Variants in SAMTOR observed in about 807,000 individuals in gnomAD.
SAMTOR encodes the protein UPF0532 protein C7orf60.
At chr7:112,939,683 G>T in the SAMTOR span, 15 of 1,612,846 alleles carry the variant, frequency 9.3e-6, no homozygotes, top group Non-Finnish European at 1.3e-5. Context: ...CTCCCGGGGC[G>T]GCGGAGTGTT....
chr7:112,906,571 A>T, the SAMTOR span, among the ~76,000 whole-genome samples: 7,563 of 71,436 alleles, frequency 0.11, 492 homozygotes, highest in African/African-American at 0.24. Context: ...GGAAAGACAT[A>T]TCTTTTTTTT....
chr7:112,823,276 C>T, the SAMTOR span, among the ~76,000 whole-genome samples: 2 of 152,022 alleles, frequency 1.3e-5, no homozygotes, highest in Non-Finnish European at 2.9e-5. Context: ...GTATAAGTGA[C>T]AAAAAGCATA....
chr7:112,863,178 A>G, the SAMTOR span, among the ~76,000 whole-genome samples: 1 of 152,206 alleles, frequency 6.6e-6, no homozygotes, highest in African/African-American at 2.4e-5. Flanking sequence ...GAAACAAGCA[A>G]TGGAGAAAGA....
the SAMTOR span, among the ~76,000 whole-genome samples, chr7:112,890,669 A>T: frequency 9.8e-4 from 148 of 151,044 alleles, 2 homozygotes; most frequent in South Asian, 0.016. Context: ...AAAAAAGTAT[A>T]CATATATACA....
chr7:112,939,312 C>T, the SAMTOR span: 1 of 512,882 alleles, frequency 1.9e-6, no homozygotes, highest in Non-Finnish European at 3.5e-6. Flanking sequence ...ACAACAACCT[C>T]AGCACCCCGG....
At chr7:112,894,380 C>T in the SAMTOR span, among the ~76,000 whole-genome samples, 1 of 151,982 alleles carries the variant, frequency 6.6e-6, no homozygotes, top group Admixed American at 6.5e-5. Flanking sequence ...CACAGATCAC[C>T]AAAACAGACA....
the SAMTOR span, among the ~76,000 whole-genome samples, chr7:112,855,908 T>TA: frequency 8.0e-4 from 117 of 145,486 alleles, no homozygotes; most frequent in East Asian, 2.2e-3. Flanking sequence ...TGGGGGAGAT[T>TA]AAAAAAAAAA....
chr7:112,897,168 G>A, the SAMTOR span, among the ~76,000 whole-genome samples: 1 of 152,168 alleles, frequency 6.6e-6, no homozygotes, highest in Admixed American at 6.5e-5. Flanking sequence ...GGGATAGGGT[G>A]TGGGGACGAG....
the SAMTOR span, chr7:112,939,324 T>TG: frequency 1.9e-6 from 1 of 528,292 alleles, no homozygotes; most frequent in South Asian, 2.3e-5. Context: ...GCACCCCGGC[T>TG]GGGGACAGGG....
the SAMTOR span, among the ~76,000 whole-genome samples, chr7:112,881,636 C>A: frequency 6.6e-6 from 1 of 152,200 alleles, no homozygotes; most frequent in Non-Finnish European, 1.5e-5. Flanking sequence ...GAGGGTTACA[C>A]TCAGGACTGC....
chr7:112,928,271 A>T, the SAMTOR span, among the ~76,000 whole-genome samples: 1 of 152,034 alleles, frequency 6.6e-6, no homozygotes, highest in Non-Finnish European at 1.5e-5. Flanking sequence ...TAGAGTTGAT[A>T]TTATTCTTTC....
chr7:112,920,899 G>A, the SAMTOR span, among the ~76,000 whole-genome samples: 2,080 of 152,144 alleles, frequency 0.014, 24 homozygotes, highest in Non-Finnish European at 0.022. Flanking sequence ...GGGACATGAA[G>A]GACCTCTTCA....
At chr7:112,867,717 G>GA in the SAMTOR span, among the ~76,000 whole-genome samples, 9 of 152,326 alleles carry the variant, frequency 5.9e-5, no homozygotes, top group Admixed American at 5.9e-4. Context: ...AAACTCTGCA[G>GA]AAAAGAACTA....
chr7:112,923,979 T>A, the SAMTOR span, among the ~76,000 whole-genome samples: 3 of 144,570 alleles, frequency 2.1e-5, no homozygotes, highest in African/African-American at 7.8e-5. Context: ...CACTCATAGG[T>A]GGGAATTGAA....
At chr7:112,847,329 A>G in the SAMTOR span, among the ~76,000 whole-genome samples, 6 of 152,214 alleles carry the variant, frequency 3.9e-5, no homozygotes, top group African/African-American at 1.4e-4. Flanking sequence ...TAATTGAACT[A>G]TTCTTTCTTA....
the SAMTOR span, among the ~76,000 whole-genome samples, chr7:112,882,702 G>GAACC: frequency 1.4e-5 from 2 of 139,666 alleles, no homozygotes; most frequent in African/African-American, 5.3e-5. Flanking sequence ...AACAACCAAC[G>GAACC]AACCAACCAA....
the SAMTOR span, among the ~76,000 whole-genome samples, chr7:112,925,599 T>A: frequency 0.011 from 1,620 of 152,132 alleles, 29 homozygotes; most frequent in African/African-American, 0.037. Context: ...TTTGAGACCA[T>A]CCTGACAAAC....
the SAMTOR span, among the ~76,000 whole-genome samples, chr7:112,910,890 C>T: frequency 6.6e-6 from 1 of 151,984 alleles, no homozygotes; most frequent in Non-Finnish European, 1.5e-5. Flanking sequence ...TCATATGATA[C>T]AATTTAAAAA....
the SAMTOR span, among the ~76,000 whole-genome samples, chr7:112,877,170 G>T: frequency 6.6e-6 from 1 of 152,174 alleles, no homozygotes; most frequent in African/African-American, 2.4e-5. Context: ...AACTTAACAA[G>T]TATTTACTGA....
Sources: gnomAD v4.1 joint callset for allele counts (sites outside exome capture counted in the v4.1 genomes callset) on GRCh38, gnomAD v4.1.1 for gene constraint, MANE v1.5 for transcripts, NCBI Gene and HGNC (gene_info 2026-07-23, HGNC 2026-07-21) for gene names.